RIMS2: variants seen among roughly 807,000 people sequenced by gnomAD.
The protein encoded by RIMS2 is regulating synaptic membrane exocytosis protein 2.
In RIMS2, 59 loss-of-function variants were observed where a neutral mutation model predicts 174.4. That is an observed-to-expected ratio of 0.34 (90% confidence interval 0.27 to 0.42). The LOEUF (loss-of-function observed/expected upper bound fraction) is 0.42, where lower values mean the gene tolerates loss of function less well. RIMS2 is among the 10% of genes least tolerant of loss of function. The pLI is 1.00. For missense variants in RIMS2, 1,620 were observed against 1,666.3 expected (o/e 0.97, Z 0.48); for synonymous variants, 606 against 572.5 (o/e 1.06, Z -0.84).
At chr8:104,254,778 T>C (rs2099365771), downstream of RIMS2, 1 of 152,206 alleles carries the variant, frequency 6.6e-6, no homozygotes, top group African/African-American at 2.4e-5. Flanking sequence ...GCACAGGCTC[T>C]GCTAGCCCCT....
chr8:103,645,723 C>T (rs2135663941), intron 1 of RIMS2, among the ~76,000 whole-genome samples: 1 of 152,118 alleles, frequency 6.6e-6, no homozygotes, highest in African/African-American at 2.4e-5. Flanking sequence ...CATTTTGATA[C>T]TCAGTGATCT....
chr8:103,536,421 T>C (rs1159863392), intron 1 of RIMS2, among the ~76,000 whole-genome samples: 3 of 152,136 alleles, frequency 2.0e-5, no homozygotes, highest in Non-Finnish European at 2.9e-5. Flanking sequence ...AAGATGTACA[T>C]TGGTCACTGT....
intron 1 of RIMS2, among the ~76,000 whole-genome samples, chr8:103,620,304 A>AT (rs956134991): frequency 6.6e-6 from 1 of 152,036 alleles, no homozygotes; most frequent in Non-Finnish European, 1.5e-5. Flanking sequence ...ACAAGCTTAA[A>AT]TTTTTTTTCT....
rs137907535 is a variant in RIMS2 at position 103,834,901 on chromosome 8, G to C, written c.699-50397G>C. Among the ~76,000 whole-genome samples, 736 of 151,786 alleles carry C rather than the reference G, an allele frequency of 4.8e-3. 4 individuals carry two copies. The highest frequency in any genetic ancestry group is 0.017 in the African/African-American group (712 of 41,406). On this transcript the variant is annotated intron_variant, in intron 3 of 23. Transcript: ENST00000504942. ...TCCTCTCACCTCAACCTCCTGAGTA[G>C]CTGGGACTACAGGCATGCGCCATCC...
chr8:104,200,944 G>A (rs1423864733), intron 19 of RIMS2, among the ~76,000 whole-genome samples: 7 of 152,106 alleles, frequency 4.6e-5, no homozygotes, highest in Admixed American at 2.0e-4. Context: ...TAGCCAATGT[G>A]TACTAAAACA....
At chr8:104,197,365 T>C (rs1258419410) in intron 19 of RIMS2, among the ~76,000 whole-genome samples, 1 of 151,976 alleles carries the variant, frequency 6.6e-6, no homozygotes, top group Admixed American at 6.6e-5. Context: ...TTAGTAGAGA[T>C]GGGGTTTCAC....
At chr8:104,153,535 A>C (rs910731271) in intron 19 of RIMS2, among the ~76,000 whole-genome samples, 1 of 152,198 alleles carries the variant, frequency 6.6e-6, no homozygotes, top group African/African-American at 2.4e-5. Flanking sequence ...TTTGATTTTG[A>C]GATGTCCATT....
intron 19 of RIMS2, among the ~76,000 whole-genome samples, chr8:104,164,632 T>C (rs936090371): frequency 1.3e-5 from 2 of 152,104 alleles, no homozygotes; most frequent in Non-Finnish European, 2.9e-5. Context: ...CAAAAAAGAA[T>C]GAGATTATGT....
At chr8:104,011,986 A>G (rs1036958072) in intron 17 of RIMS2, among the ~76,000 whole-genome samples, 4 of 152,042 alleles carry the variant, frequency 2.6e-5, no homozygotes, top group South Asian at 2.1e-4. Flanking sequence ...TTCAGAAACA[A>G]AAAGACAGCT....
chr8:103,758,457 AG>A (rs1353375716), intron 2 of RIMS2, among the ~76,000 whole-genome samples: 2 of 152,188 alleles, frequency 1.3e-5, no homozygotes, highest in Non-Finnish European at 2.9e-5. Context: ...TACAGCTTCT[AG>A]GAAGCTGTAG....
chr8:104,062,176 C>T (rs917859418), intron 19 of RIMS2, among the ~76,000 whole-genome samples: 26 of 152,102 alleles, frequency 1.7e-4, no homozygotes, highest in East Asian at 9.7e-4. Context: ...GAGGCTGAGG[C>T]GGGCAGATCA....
intron 1 of RIMS2, among the ~76,000 whole-genome samples, chr8:103,635,997 G>A (rs1165971358): frequency 6.6e-6 from 1 of 152,108 alleles, no homozygotes; most frequent in African/African-American, 2.4e-5. Flanking sequence ...CAGCAGTCTG[G>A]CCTCATTTTG....
At chr8:104,182,101 A>G (rs1042495781) in intron 19 of RIMS2, among the ~76,000 whole-genome samples, 3 of 151,706 alleles carry the variant, frequency 2.0e-5, no homozygotes, top group African/African-American at 7.3e-5. Context: ...GCCCTAGGGG[A>G]TAAATATTTT....
chr8:103,687,752 T>C (rs905879107), intron 1 of RIMS2, among the ~76,000 whole-genome samples: 1 of 152,126 alleles, frequency 6.6e-6, no homozygotes, highest in Non-Finnish European at 1.5e-5. Flanking sequence ...GTAAATGAAA[T>C]CATACAGTAT....
intron 19 of RIMS2, among the ~76,000 whole-genome samples, chr8:104,119,165 G>A (rs1164247676): frequency 6.7e-6 from 1 of 150,006 alleles, no homozygotes; most frequent in African/African-American, 2.5e-5. Flanking sequence ...AGCCAACATG[G>A]TAAACCCCGT....
At chr8:103,673,413 G>A (rs546768012) in intron 1 of RIMS2, among the ~76,000 whole-genome samples, 24 of 152,280 alleles carry the variant, frequency 1.6e-4, no homozygotes, top group Admixed American at 6.5e-4. Context: ...GGAGGCTTCC[G>A]CGTGGACACT....
At chr8:104,070,061 C>T (rs1326142947) in intron 19 of RIMS2, among the ~76,000 whole-genome samples, 2 of 152,112 alleles carry the variant, frequency 1.3e-5, no homozygotes, top group African/African-American at 4.8e-5. Flanking sequence ...TCTGCAGTTT[C>T]TATTACATTA....
intron 1 of RIMS2, among the ~76,000 whole-genome samples, chr8:103,610,016 T>A (rs2095311583): frequency 6.6e-6 from 1 of 152,176 alleles, no homozygotes; most frequent in Non-Finnish European, 1.5e-5. Flanking sequence ...TTGAGTGGTG[T>A]TTTGTAATTC....
At chr8:103,967,653 A>T (rs576462120) in intron 15 of RIMS2, among the ~76,000 whole-genome samples, 1 of 152,038 alleles carries the variant, frequency 6.6e-6, no homozygotes, top group East Asian at 1.9e-4. Context: ...TGGTGGATTC[A>T]TCTATTTCTC....
Sources: allele counts gnomAD v4.1 joint callset (sites outside exome capture counted in the v4.1 genomes callset), GRCh38; gene constraint gnomAD v4.1.1; transcripts MANE v1.5; gene names NCBI Gene and HGNC (gene_info 2026-07-23, HGNC 2026-07-21).